ROCK1: variants seen among roughly 807,000 people sequenced by gnomAD.
ROCK1 encodes Rho associated coiled-coil containing protein kinase 1.
In ROCK1, 36 loss-of-function variants were observed where a neutral mutation model predicts 196.8. The ratio of observed to expected loss-of-function variants is 0.18; its 90% CI spans 0.14 to 0.24. The LOEUF is 0.24. ROCK1 is among the 10% of genes least tolerant of loss of function. The pLI, the probability that ROCK1 is intolerant of heterozygous loss-of-function variation, is 1.00. For synonymous variants in ROCK1, 443 were observed against 515.9 expected (o/e 0.86, Z 1.91); for missense variants, 920 against 1,562.0 (o/e 0.59, Z 6.93).
intron 2 of ROCK1, among the ~76,000 whole-genome samples, chr18:21,066,662 T>C (rs2036337484): frequency 6.6e-6 from 1 of 152,264 alleles, no homozygotes; most frequent in African/African-American, 2.4e-5. Flanking sequence ...ATTTCCAGCA[T>C]GTCCTACAAA....
intron 2 of ROCK1, among the ~76,000 whole-genome samples, chr18:21,057,961 A>G (rs1403262972): frequency 2.0e-5 from 3 of 152,252 alleles, no homozygotes; most frequent in Non-Finnish European, 4.4e-5. Flanking sequence ...TTACAATTTT[A>G]AAGAGCAAAT....
chr18:20,967,769 G>A lies in ROCK1; in HGVS notation c.3175C>T (p.Leu1059=). 1 of 1,597,198 alleles carries A rather than the reference G, an allele frequency of 6.3e-7. No homozygotes were observed. The highest frequency in any genetic ancestry group is 1.2e-5 in the South Asian group (1 of 85,980). ...NQMVVKHQKE[L]NDMQAQLVEE... ...AACCTTACCGCTTGCATGTCATTCA[G>A]TTCCTTCTGATGTTTCACTACCATC... The change falls in exon 26 of 33, where the codon CTG becomes TTG. Residue 1059 remains leucine, a synonymous_variant. Transcript: ENST00000399799.
At chr18:20,964,226 C>T (rs867629448) in intron 27 of ROCK1, among the ~76,000 whole-genome samples, 3 of 152,012 alleles carry the variant, frequency 2.0e-5, no homozygotes, top group Non-Finnish European at 2.9e-5. Context: ...CTTTTTAGTA[C>T]GTATATTCAT....
intron 1 of ROCK1, among the ~76,000 whole-genome samples, chr18:21,105,842 A>T (rs1454927460): frequency 1.3e-5 from 2 of 152,198 alleles, no homozygotes; most frequent in African/African-American, 4.8e-5. Flanking sequence ...TAATAATTGA[A>T]GCTGTAAGAA....
chr18:21,095,511 T>C (rs2036605974), intron 1 of ROCK1, among the ~76,000 whole-genome samples: 1 of 152,178 alleles, frequency 6.6e-6, no homozygotes, highest in African/African-American at 2.4e-5. Context: ...CAATGGGATA[T>C]TATTCAACCA....
At chr18:21,056,956 T>C (rs1452600768) in intron 2 of ROCK1, among the ~76,000 whole-genome samples, 1 of 152,216 alleles carries the variant, frequency 6.6e-6, no homozygotes, top group South Asian at 2.1e-4. Context: ...TTTTTTCAAA[T>C]GTCACCTTTT....
At chr18:21,090,664 T>C (rs1217739814) in intron 1 of ROCK1, among the ~76,000 whole-genome samples, 2 of 152,222 alleles carry the variant, frequency 1.3e-5, no homozygotes, top group African/African-American at 4.8e-5. Context: ...TTCCCTAACA[T>C]GATGTCAACC....
chr18:21,033,871 A>C (rs1357254012), intron 9 of ROCK1, among the ~76,000 whole-genome samples: 1 of 141,634 alleles, frequency 7.1e-6, no homozygotes, highest in Non-Finnish European at 1.5e-5. Context: ...AAAAAAAAAA[A>C]AAAAAAAAAA....
chr18:21,061,337 C>T (rs2036288892), intron 2 of ROCK1, among the ~76,000 whole-genome samples: 1 of 152,150 alleles, frequency 6.6e-6, no homozygotes, highest in Admixed American at 6.5e-5. Context: ...GCTTCAGCCT[C>T]CCAAGGTGCT....
At chr18:21,012,376 T>C (rs1199810726) in intron 13 of ROCK1, among the ~76,000 whole-genome samples, 1 of 152,224 alleles carries the variant, frequency 6.6e-6, no homozygotes, top group Admixed American at 6.5e-5. Context: ...CATTTTCTTT[T>C]TCATTTGAGA....
At chr18:20,953,177 T>C in intron 32 of ROCK1, 1 of 185,310 alleles carries the variant, frequency 5.4e-6, no homozygotes, top group Non-Finnish European at 1.1e-5. Flanking sequence ...GTTGGGATAG[T>C]ATGGGAAGTT....
At chr18:21,018,434 G>A (rs1473610111) in intron 12 of ROCK1, among the ~76,000 whole-genome samples, 1 of 151,666 alleles carries the variant, frequency 6.6e-6, no homozygotes, top group Non-Finnish European at 1.5e-5. Flanking sequence ...GGGGACTGAG[G>A]CAAGAGAATC....
Position 20,951,454 on chromosome 18 carries a change from A to T in ROCK1, c.4062-67T>A, listed in dbSNP as rs908059935. 2.3e-6 allele frequency: 3 copies of T among 1,318,868 alleles called. No homozygotes were observed. The African/African-American group carries it at 4.4e-5, about 19-fold the overall frequency. The allele number at this position is 1,318,868 out of a possible 1,614,324, so 81.7% of individuals were successfully genotyped here. On this transcript the variant is annotated intron_variant, in intron 32 of 32. Transcript: ENST00000399799. ...CAGTTTAAAAATACAAGAAACAAAC[A>T]TTAGGAGGAAAGGTAAATATACATT...
In ROCK1 at chr18:20,947,739, T is replaced by C. The variant is rs1270746996; in HGVS notation, c.*3645A>G. On this transcript the variant is annotated 3_prime_UTR_variant, in exon 33 of 33. Transcript: ENST00000399799. The stretch of plus-strand genomic sequence containing the variant: ...ACCATTTCCGTTTATTCATGTCTTT[T>C]TAAACTTCTCCAAATGTCTTACAAT... 2 of 152,218 alleles carry C rather than the reference T, an allele frequency of 1.3e-5. No individual in the cohort carries two copies. The highest frequency in any genetic ancestry group is 1.9e-4 in the East Asian group (1 of 5,194). 9.4% of individuals were successfully genotyped at this position (152,218 alleles called of 1,614,324 possible).
At chr18:21,057,928 AG>A (rs2036257822) in intron 2 of ROCK1, among the ~76,000 whole-genome samples, 1 of 152,242 alleles carries the variant, frequency 6.6e-6, no homozygotes, top group Non-Finnish European at 1.5e-5. Context: ...TGTGGGACCA[AG>A]ATATCTACAA....
At chr18:21,013,014 T>C (rs1161091865) in intron 13 of ROCK1, among the ~76,000 whole-genome samples, 1 of 152,224 alleles carries the variant, frequency 6.6e-6, no homozygotes, top group Non-Finnish European at 1.5e-5. Context: ...TTTTGCTTGT[T>C]TGTATGTTTA....
chr18:21,001,025 T>C (rs772218760), intron 16 of ROCK1, among the ~76,000 whole-genome samples: 1 of 152,218 alleles, frequency 6.6e-6, no homozygotes, highest in Non-Finnish European at 1.5e-5. Context: ...TATTCTGTTA[T>C]ATGTATATCA....
chr18:21,077,816 A>T (rs1320437989), intron 1 of ROCK1, among the ~76,000 whole-genome samples: 1 of 152,116 alleles, frequency 6.6e-6, no homozygotes, highest in Non-Finnish European at 1.5e-5. Context: ...ATCTGCAAAG[A>T]CTGAGAGGTG....
At chr18:21,043,172 A>C (rs1254868534) in intron 6 of ROCK1, among the ~76,000 whole-genome samples, 1 of 152,156 alleles carries the variant, frequency 6.6e-6, no homozygotes, top group Non-Finnish European at 1.5e-5. Context: ...CACTGACTTC[A>C]TTATTTTCTA....
Sources: allele counts gnomAD v4.1 joint callset (sites outside exome capture counted in the v4.1 genomes callset), GRCh38; gene constraint gnomAD v4.1.1; transcripts MANE v1.5; gene names NCBI Gene and HGNC (gene_info 2026-07-23, HGNC 2026-07-21).